The following SCOC variants were observed in gnomAD, a reference collection of about 807,000 sequenced individuals.
The protein encoded by SCOC is short coiled-coil protein.
SCOC carries 7 observed loss-of-function variants against 9.9 expected under a neutral mutation model. The observed-to-expected ratio is 0.71, with a 90% CI of 0.40 to 1.33. The LOEUF (loss-of-function observed/expected upper bound fraction) is 1.33. SCOC is among the 40% of genes most tolerant of loss of function. SCOC has a pLI of 0.01. For synonymous variants in SCOC, 19 were observed against 28.2 expected (o/e 0.67, Z 1.03); for missense variants, 66 against 89.7 (o/e 0.74, Z 1.07).
intron 1 of SCOC, among the ~76,000 whole-genome samples, chr4:140,286,650 C>A (rs1394100701): frequency 6.6e-6 from 1 of 152,244 alleles, no homozygotes; most frequent in Non-Finnish European, 1.5e-5. Context: ...CGCCGTTCCT[C>A]ACGTGCACAT....
chr4:140,286,121 T>C (rs1401206633), intron 1 of SCOC, among the ~76,000 whole-genome samples: 1 of 151,286 alleles, frequency 6.6e-6, no homozygotes, highest in Non-Finnish European at 1.5e-5. Context: ...GAGGTGGAGG[T>C]TGCAGTGAGC....
At chr4:140,354,439 G>A (rs1727117402) in intron 2 of SCOC, among the ~76,000 whole-genome samples, 1 of 148,604 alleles carries the variant, frequency 6.7e-6, no homozygotes, top group African/African-American at 2.5e-5. Flanking sequence ...GTCTCTCTGT[G>A]AAATATTTAG....
At chr4:140,276,149 C>T (rs1351779130) in intron 1 of SCOC, among the ~76,000 whole-genome samples, 3 of 151,962 alleles carry the variant, frequency 2.0e-5, no homozygotes, top group Non-Finnish European at 4.4e-5. Context: ...ACTACAGGTG[C>T]CCGCCACCAC....
chr4:140,305,320 A>G (rs760626914), intron 1 of SCOC, among the ~76,000 whole-genome samples: 12 of 152,220 alleles, frequency 7.9e-5, no homozygotes, highest in Admixed American at 1.3e-4. Flanking sequence ...AAGTTTGTTT[A>G]GGCAGCATGT....
chr4:140,358,273 C>T (rs34571248), intron 2 of SCOC, among the ~76,000 whole-genome samples: 23,726 of 152,214 alleles, frequency 0.16, 2,308 homozygotes, highest in African/African-American at 0.26. Flanking sequence ...ATTTGCATTA[C>T]CAGATAGTTA....
intron 2 of SCOC, among the ~76,000 whole-genome samples, chr4:140,365,323 G>A (rs1409824547): frequency 6.6e-6 from 1 of 152,198 alleles, no homozygotes; most frequent in African/African-American, 2.4e-5. Context: ...TGAGAAAGAA[G>A]ACATAGAAGA....
At chr4:140,278,463 C>G (rs1731032948) in intron 1 of SCOC, among the ~76,000 whole-genome samples, 1 of 152,124 alleles carries the variant, frequency 6.6e-6, no homozygotes, top group African/African-American at 2.4e-5. Flanking sequence ...CCACGCCTGG[C>G]TAATTTTTTG....
chr4:140,259,410 A>G (rs970445912), intron 1 of SCOC, among the ~76,000 whole-genome samples: 2 of 152,226 alleles, frequency 1.3e-5, no homozygotes, highest in African/African-American at 4.8e-5. Flanking sequence ...CCTACTGCAC[A>G]TATTTTCTCT....
rs944399477 is a variant in SCOC, at chr4:140,384,065, T to C, written c.*2961T>C. 4 of 152,178 alleles carry C rather than the reference T, an allele frequency of 2.6e-5. No individual in the cohort carries two copies. Among genetic ancestry groups the C allele is most frequent in the Admixed American group, 6.5e-5 (1 of 15,270 alleles). 9.4% of individuals were successfully genotyped at this position (152,178 alleles called of 1,614,324 possible). A position where few individuals can be genotyped will look rare whatever the true frequency, so the allele number is the denominator to read the frequency against. On this transcript the variant is annotated 3_prime_UTR_variant, in exon 4 of 4. Coordinates refer to ENST00000608372, the MANE Select transcript of SCOC (RefSeq NM_001153484.2). Reference sequence around the variant, plus strand: ...GCTGCTATTCAGACTTCAGAAACAATTGGCTTAATTTCATGAGGTTCCTTG... The same window carrying C: ...GCTGCTATTCAGACTTCAGAAACAACTGGCTTAATTTCATGAGGTTCCTTG...
upstream of SCOC, among the ~76,000 whole-genome samples, chr4:140,372,376 T>C (rs148232699): frequency 4.5e-4 from 68 of 152,354 alleles, no homozygotes; most frequent in African/African-American, 1.5e-3. Context: ...CACCGTTGCA[T>C]AGAATTCTTA....
chr4:140,292,559 T>C (rs1731506593), intron 1 of SCOC, among the ~76,000 whole-genome samples: 1 of 152,180 alleles, frequency 6.6e-6, no homozygotes, highest in African/African-American at 2.4e-5. Flanking sequence ...AATCTCCTTT[T>C]TCCTTATGAA....
At chr4:140,372,271 T>C (rs1196576734), upstream of SCOC, among the ~76,000 whole-genome samples, 1 of 152,240 alleles carries the variant, frequency 6.6e-6, no homozygotes, top group Admixed American at 6.5e-5. Context: ...TCTATGTATA[T>C]TTCACTACAA....
chr4:140,373,546 C>G (rs751574053), upstream of SCOC: 1 of 1,551,674 alleles, frequency 6.4e-7, no homozygotes, highest in South Asian at 1.2e-5. Context: ...AATGCGCAGG[C>G]GTGTATTCTC....
At chr4:140,340,604 A>C (rs1054187483), upstream of SCOC, among the ~76,000 whole-genome samples, 1 of 152,024 alleles carries the variant, frequency 6.6e-6, no homozygotes, top group African/African-American at 2.4e-5. Flanking sequence ...ATGCAAAAGA[A>C]ATCAATAGCC....
intron 2 of SCOC, among the ~76,000 whole-genome samples, chr4:140,354,245 T>C (rs572196300): frequency 1.3e-5 from 2 of 152,334 alleles, no homozygotes; most frequent in East Asian, 3.9e-4. Flanking sequence ...TTTGGAATTT[T>C]AAATGACTTG....
chr4:140,297,977 C>T (rs1731701401), intron 1 of SCOC, among the ~76,000 whole-genome samples: 1 of 152,210 alleles, frequency 6.6e-6, no homozygotes, highest in Admixed American at 6.5e-5. Context: ...AGCCTCCATT[C>T]CTCTGGGGTT....
chr4:140,349,640 T>C (rs1246303580), intron 2 of SCOC, among the ~76,000 whole-genome samples: 1 of 152,206 alleles, frequency 6.6e-6, no homozygotes, highest in Non-Finnish European at 1.5e-5. Flanking sequence ...TTACGAAAGC[T>C]AGAAATCCAT....
intron 1 of SCOC, among the ~76,000 whole-genome samples, chr4:140,323,731 C>G (rs890432761): frequency 6.6e-6 from 1 of 152,118 alleles, no homozygotes; most frequent in Non-Finnish European, 1.5e-5. Flanking sequence ...GAAATTGAAA[C>G]TATAGTTTTG....
chr4:140,339,981 G>C (rs191587040), upstream of SCOC, among the ~76,000 whole-genome samples: 9,232 of 152,202 alleles, frequency 0.061, 391 homozygotes, highest in Non-Finnish European at 0.09. Flanking sequence ...AAATCATGCT[G>C]CTATAAAGAC....
Sources: gnomAD v4.1 joint callset for allele counts (sites outside exome capture counted in the v4.1 genomes callset) on GRCh38, gnomAD v4.1.1 for gene constraint, MANE v1.5 for transcripts, NCBI Gene and HGNC (gene_info 2026-07-23, HGNC 2026-07-21) for gene names.